The following MID1 variants were observed in gnomAD, a reference collection of about 807,000 sequenced individuals.
The protein encoded by MID1 is E3 ubiquitin-protein ligase Midline-1.
Under a neutral mutation model 40.4 loss-of-function variants are expected in MID1, and 7 were observed. The ratio of observed to expected loss-of-function variants is 0.17; its 90% CI spans 0.10 to 0.33. The LOEUF is 0.33. Ranked by LOEUF, MID1 falls within the 10% of genes least tolerant of loss-of-function variation. The probability of loss-of-function intolerance (pLI) is 1.00; values close to 1 mark genes in which losing one functional copy is unlikely to be tolerated. For synonymous variants in MID1, 229 were observed against 221.2 expected (o/e 1.04, Z -0.31); for missense variants, 367 against 558.5 (o/e 0.66, Z 3.46).
chrX:10,519,703 C>T (rs1320848580), intron 3 of MID1, among the ~76,000 whole-genome samples: 1 of 112,044 alleles, frequency 8.9e-6, no homozygotes, highest in Non-Finnish European at 1.9e-5. Flanking sequence ...CCTATCATAA[C>T]CTCCATCAGC....
chrX:10,777,404 A>G (rs2043811342), intron 1 of MID1, among the ~76,000 whole-genome samples: 2 of 107,458 alleles, frequency 1.9e-5, no homozygotes, highest in Admixed American at 1.0e-4. Context: ...TCACCGTGTT[A>G]GCCAGGATGG....
At chrX:10,473,161 A>G (rs929008589) in intron 6 of MID1, among the ~76,000 whole-genome samples, 3 of 112,636 alleles carry the variant, frequency 2.7e-5, no homozygotes, top group Non-Finnish European at 5.6e-5. Flanking sequence ...TCAAGTTTTC[A>G]ATAGCCCCAT....
At chrX:10,640,697 A>G (rs1936182126) in intron 1 of MID1, among the ~76,000 whole-genome samples, 1 of 111,281 alleles carries the variant, frequency 9.0e-6, no homozygotes, top group Admixed American at 9.5e-5. Context: ...TCCACCCCAA[A>G]TCAACAGAAT....
intron 1 of MID1, among the ~76,000 whole-genome samples, chrX:10,692,992 C>T (rs2043140354): frequency 9.0e-6 from 1 of 111,157 alleles, no homozygotes; most frequent in Admixed American, 9.6e-5. Context: ...TATTCCTTCC[C>T]ACCAACTCTT....
intron 1 of MID1, among the ~76,000 whole-genome samples, chrX:10,736,660 T>G (rs909050199): frequency 1.3e-4 from 15 of 112,410 alleles, no homozygotes; most frequent in Non-Finnish European, 2.4e-4. Context: ...GTGAGTTTTC[T>G]TGCTTGTGCT....
chrX:10,737,317 G>A (rs1021601963), intron 1 of MID1, among the ~76,000 whole-genome samples: 5 of 112,505 alleles, frequency 4.4e-5, no homozygotes, highest in African/African-American at 1.6e-4. Context: ...CCAGGTCCCT[G>A]AAAAACAAGG....
intron 1 of MID1, among the ~76,000 whole-genome samples, chrX:10,626,915 A>G (rs915594852): frequency 2.7e-5 from 3 of 111,664 alleles, no homozygotes; most frequent in Non-Finnish European, 3.8e-5. Context: ...TAGAATGTTA[A>G]GAATAATATC....
chrX:10,729,481 GAA>G (rs1344638851), intron 1 of MID1, among the ~76,000 whole-genome samples: 1 of 110,257 alleles, frequency 9.1e-6, no homozygotes, highest in South Asian at 3.8e-4. Flanking sequence ...TTCTGAAAAG[GAA>G]AAAAAATACA....
intron 2 of MID1, among the ~76,000 whole-genome samples, chrX:10,538,274 C>T (rs2464658): frequency 0.34 from 37,485 of 110,744 alleles, 4,858 homozygotes; most frequent in Non-Finnish European, 0.38. Flanking sequence ...TGCCCGGCCT[C>T]GATCTTTACA....
At chrX:10,775,153 A>G (rs1602570109) in intron 1 of MID1, among the ~76,000 whole-genome samples, 1 of 98,283 alleles carries the variant, frequency 1.0e-5, no homozygotes, top group Non-Finnish European at 2.0e-5. Context: ...GGGGAGATGG[A>G]GGGGGAGAGG....
At chrX:10,631,620 T>C (rs780183325) in intron 1 of MID1, among the ~76,000 whole-genome samples, 55 of 112,511 alleles carry the variant, frequency 4.9e-4, no homozygotes, top group African/African-American at 1.8e-3. Context: ...TGTATGTTTA[T>C]ATGACTCCAC....
intron 3 of MID1, among the ~76,000 whole-genome samples, chrX:10,516,609 T>TGTGTGC (rs1491262374): frequency 7.5e-4 from 38 of 50,365 alleles, no homozygotes; most frequent in African/African-American, 2.1e-3. Flanking sequence ...TGTGTGTGTG[T>TGTGTGC]GCGCGCGCGC....
At chrX:10,797,891 A>C (rs1004145770) in intron 1 of MID1, among the ~76,000 whole-genome samples, 1 of 111,832 alleles carries the variant, frequency 8.9e-6, no homozygotes, top group African/African-American at 3.3e-5. Context: ...TTTCTTCTCC[A>C]GACTTTGCCC....
At chrX:10,482,664 T>TGG (rs1930402217) in intron 4 of MID1, 36 bp from the exon 5 acceptor site, 4 of 1,190,006 alleles carry the variant, frequency 3.4e-6, no homozygotes, top group Non-Finnish European at 4.5e-6. Flanking sequence ...GATGGTTACA[T>TGG]GGGTGGTCTT....
chrX:10,646,403 C>T (rs926817170), intron 1 of MID1, among the ~76,000 whole-genome samples: 1 of 111,394 alleles, frequency 9.0e-6, no homozygotes, highest in African/African-American at 3.3e-5. Context: ...GTATATTTGG[C>T]TATATCACAC....
At chrX:10,659,950 T>C (rs1385953247) in intron 1 of MID1, among the ~76,000 whole-genome samples, 1 of 112,308 alleles carries the variant, frequency 8.9e-6, no homozygotes, top group African/African-American at 3.2e-5. Context: ...AAACCAACAA[T>C]GACTTTGGGA....
At chrX:10,779,493 G>T (rs186262449) in intron 1 of MID1, among the ~76,000 whole-genome samples, 77 of 112,247 alleles carry the variant, frequency 6.9e-4, no homozygotes, top group African/African-American at 2.4e-3. Context: ...CTTTGAGAAG[G>T]CCATATAATA....
chrX:10,772,544 C>T (rs1381945816), intron 1 of MID1, among the ~76,000 whole-genome samples: 1 of 107,269 alleles, frequency 9.3e-6, no homozygotes, highest in Non-Finnish European at 1.9e-5. Context: ...ACCACCTGTT[C>T]CCTGAATAAC....
intron 4 of MID1, among the ~76,000 whole-genome samples, chrX:10,489,285 T>C (rs1049110836): frequency 2.7e-5 from 3 of 112,438 alleles, no homozygotes; most frequent in African/African-American, 9.7e-5. Context: ...GCTTTTGTCA[T>C]CTGTATGTAA....
Sources: allele counts gnomAD v4.1 joint callset (sites outside exome capture counted in the v4.1 genomes callset), GRCh38; gene constraint gnomAD v4.1.1; transcripts MANE v1.5; gene names NCBI Gene and HGNC (gene_info 2026-07-23, HGNC 2026-07-21).